The following NRXN3 variants were observed in gnomAD, a reference collection of about 807,000 sequenced individuals.
NRXN3 encodes neurexin III.
In NRXN3, 32 loss-of-function variants were observed where a neutral mutation model predicts 137.6. That is an observed-to-expected ratio of 0.23 (90% CI 0.18 to 0.31). NRXN3 has a LOEUF of 0.31. NRXN3 is among the 10% of genes least tolerant of loss of function. NRXN3 has a pLI of 1.00. For missense variants in NRXN3, 1,574 were observed against 2,062.5 expected (o/e 0.76, Z 4.59); for synonymous variants, 798 against 784.5 (o/e 1.02, Z -0.29).
At chr14:79,663,480 T>C (rs1325767903) in intron 16 of NRXN3, among the ~76,000 whole-genome samples, 1 of 152,084 alleles carries the variant, frequency 6.6e-6, no homozygotes, top group Admixed American at 6.6e-5. Context: ...AAATAAACTT[T>C]GCATTGTCAT....
intron 15 of NRXN3, among the ~76,000 whole-genome samples, chr14:79,156,903 G>C (rs1419781291): frequency 6.6e-6 from 1 of 151,778 alleles, no homozygotes; most frequent in Non-Finnish European, 1.5e-5. Flanking sequence ...GCTGTCCTCT[G>C]CATGGTAGAA....
At chr14:78,800,533 C>T (rs542953774) in intron 8 of NRXN3, among the ~76,000 whole-genome samples, 30 of 152,182 alleles carry the variant, frequency 2.0e-4, no homozygotes, top group Middle Eastern at 3.4e-3. Flanking sequence ...CTTATTGTAA[C>T]GGTGTTTGCA....
chr14:79,391,046 T>C (rs1387617306), intron 15 of NRXN3, among the ~76,000 whole-genome samples: 1 of 152,146 alleles, frequency 6.6e-6, no homozygotes. Flanking sequence ...CTTCCCAGGC[T>C]CCAGAATTTC....
intron 20 of NRXN3, among the ~76,000 whole-genome samples, chr14:79,840,097 T>A (rs2099352803): frequency 6.6e-6 from 1 of 152,158 alleles, no homozygotes. Flanking sequence ...TTATTTCAGG[T>A]CACAGAAGTT....
At chr14:78,780,737 A>G (rs192054055) in intron 8 of NRXN3, among the ~76,000 whole-genome samples, 5 of 152,226 alleles carry the variant, frequency 3.3e-5, no homozygotes, top group African/African-American at 4.8e-5. Context: ...TGAGAATACA[A>G]ATTCAAAAAG....
At chr14:79,167,077 A>AT (rs1487536405) in intron 15 of NRXN3, among the ~76,000 whole-genome samples, 1 of 151,982 alleles carries the variant, frequency 6.6e-6, no homozygotes, top group Non-Finnish European at 1.5e-5. Flanking sequence ...AGATTATTAC[A>AT]TTTTTATGAC....
intron 8 of NRXN3, among the ~76,000 whole-genome samples, chr14:78,747,457 T>G (rs2098615249): frequency 6.6e-6 from 1 of 151,966 alleles, no homozygotes; most frequent in African/African-American, 2.4e-5. Context: ...GAAAGAAGAG[T>G]GAGGAGTCAA....
chr14:78,278,708 C>T lies in NRXN3; in HGVS notation c.727+46C>T, dbSNP rs147600946. ...AGCTGCTGTGGGAATTTCCCCTCTG[C>T]TAGATTGTGCATGGTTTGAGTCTGA... On this transcript the variant is annotated intron_variant, in intron 3 of 20. Transcript: ENST00000335750. The T allele has an allele frequency of 9.3e-6, 14 of 1,500,168 alleles. No individual in the cohort carries two copies. In the East Asian group the frequency reaches 3.4e-4, roughly 37 times the overall value. 92.9% of individuals were successfully genotyped at this position (1,500,168 alleles called of 1,614,324 possible). A position where few individuals can be genotyped will look rare whatever the true frequency, so the allele number is the denominator to read the frequency against.
At chr14:78,291,849 T>G (rs368733201) in intron 3 of NRXN3, among the ~76,000 whole-genome samples, 3 of 152,254 alleles carry the variant, frequency 2.0e-5, no homozygotes, top group Non-Finnish European at 4.4e-5. Flanking sequence ...TAAAAGTTAC[T>G]CTGAAAGCGA....
At chr14:79,566,721 CTT>C (rs1243625643) in intron 16 of NRXN3, among the ~76,000 whole-genome samples, 2 of 152,086 alleles carry the variant, frequency 1.3e-5, no homozygotes, top group African/African-American at 4.8e-5. Context: ...AATATTTTAA[CTT>C]TATTTATTTT....
At position 78,301,871 on chromosome 14, in the gene NRXN3, G is replaced by T. The variant is rs149575251; in HGVS notation, c.757+4011G>T. On this transcript the variant is annotated intron_variant, in intron 4 of 20. Transcript: ENST00000335750. ...CCACTTTGGGGTTGGTTGATTGCCT[G>T]TTCCTTTTATGCTAATCCCAGGTGG... is the stretch of plus-strand genomic sequence containing the variant. 2.6e-3 allele frequency among the ~76,000 whole-genome samples: 402 copies of T among 152,314 alleles called. 2 individuals are homozygous for T. The highest frequency in any genetic ancestry group is 4.2e-3 in the Non-Finnish European group (283 of 68,026).
chr14:79,774,847 G>A (rs916464238), intron 19 of NRXN3, among the ~76,000 whole-genome samples: 8 of 152,010 alleles, frequency 5.3e-5, no homozygotes, highest in Non-Finnish European at 1.0e-4. Context: ...GGGCAAATAC[G>A]TGAGATGAGC....
intron 10 of NRXN3, among the ~76,000 whole-genome samples, chr14:78,841,647 G>T (rs889226297): frequency 7.1e-4 from 108 of 151,986 alleles, no homozygotes; most frequent in Non-Finnish European, 6.6e-4. Flanking sequence ...CATTTTTCTA[G>T]TTCATTGTTT....
At chr14:78,408,213 T>C (rs1435299171) in intron 4 of NRXN3, among the ~76,000 whole-genome samples, 1 of 152,150 alleles carries the variant, frequency 6.6e-6, no homozygotes, top group Non-Finnish European at 1.5e-5. Context: ...CTCCCCTGCT[T>C]CTCTAGGGTC....
At chr14:78,171,044 CT>C (rs763264126) in intron 1 of NRXN3, among the ~76,000 whole-genome samples, 113 of 140,914 alleles carry the variant, frequency 8.0e-4, no homozygotes, top group Middle Eastern at 3.7e-3. Context: ...TGGGCAGATA[CT>C]TTTTTTTTGA....
At chr14:79,329,678 A>C (rs1255253439) in intron 15 of NRXN3, among the ~76,000 whole-genome samples, 4 of 152,200 alleles carry the variant, frequency 2.6e-5, no homozygotes, top group Non-Finnish European at 5.9e-5. Flanking sequence ...CATGGAGATG[A>C]GAATATGTGA....
chr14:79,096,418 T>A (rs1342273780), intron 15 of NRXN3, among the ~76,000 whole-genome samples: 1 of 152,114 alleles, frequency 6.6e-6, no homozygotes, highest in Non-Finnish European at 1.5e-5. Flanking sequence ...CTTCCGCCTC[T>A]CTTTTTTTTA....
intron 15 of NRXN3, among the ~76,000 whole-genome samples, chr14:78,993,493 C>G (rs2099523123): frequency 6.6e-6 from 1 of 152,140 alleles, no homozygotes; most frequent in Non-Finnish European, 1.5e-5. Context: ...TGTTCATTCC[C>G]CGCCATTGTT....
chr14:79,504,261 T>G (rs2096851647), intron 16 of NRXN3, among the ~76,000 whole-genome samples: 1 of 152,194 alleles, frequency 6.6e-6, no homozygotes. Flanking sequence ...TCCATTACAT[T>G]TTTTTGAGAC....
Sources: gnomAD v4.1 joint callset for allele counts (sites outside exome capture counted in the v4.1 genomes callset) on GRCh38, gnomAD v4.1.1 for gene constraint, MANE v1.5 for transcripts, NCBI Gene and HGNC (gene_info 2026-07-23, HGNC 2026-07-21) for gene names.